FAM89A: variants seen among roughly 807,000 people sequenced by gnomAD.
FAM89A encodes the protein protein FAM89A.
Under a neutral mutation model 7.1 loss-of-function variants are expected in FAM89A, and 10 were observed. The ratio of observed to expected loss-of-function variants is 1.40; its 90% CI spans 0.86 to 2.38. The LOEUF (loss-of-function observed/expected upper bound fraction) is 2.38. Among genes scored for constraint, FAM89A ranks in the 30% most tolerant of loss-of-function variants. The pLI, the probability that FAM89A is intolerant of heterozygous loss-of-function variation, is 0.00. For synonymous variants in FAM89A, 157 were observed against 129.3 expected (o/e 1.21, Z -1.45); for missense variants, 276 against 262.8 (o/e 1.05, Z -0.35).
chr1:231,028,205 C>T (rs1387095654), intron 1 of FAM89A, among the ~76,000 whole-genome samples: 2 of 152,204 alleles, frequency 1.3e-5, no homozygotes, highest in African/African-American at 2.4e-5. Context: ...GGGCAGCCGC[C>T]GAGTGCCCTG....
At position 231,019,530 on chromosome 1, in the gene FAM89A, C is replaced by T. The variant is rs1047702035; in HGVS notation, c.*333G>A. 3.9e-6 allele frequency: 1 copy of T among 253,216 alleles called. No individual in the cohort carries two copies. Among genetic ancestry groups the T allele is most frequent in the Non-Finnish European group, 7.6e-6 (1 of 130,818 alleles). 15.7% of individuals were successfully genotyped at this position (253,216 alleles called of 1,614,324 possible). On this transcript the variant is annotated 3_prime_UTR_variant, in exon 2 of 2. Transcript: ENST00000366654. ...CTGTAAGGAAGTAGCTAGCTACAAG[C>T]CACCTCACACAAAACACCCACTAAG...
rs746369570 is a variant in FAM89A, at chr1:231,019,989, A to G, written c.429T>C (p.Asp143=). The part of the protein sequence containing the change: ...CTYALENGFF[D]EEEEYFQEQN... Reference sequence around the variant, plus strand: ...GCTCCTGGAAATATTCCTCCTCTTCATCGAAGAAGCCGTTCTCCAGAGCGT... The same window carrying G: ...GCTCCTGGAAATATTCCTCCTCTTCGTCGAAGAAGCCGTTCTCCAGAGCGT... Residue 143 remains aspartate (D), a synonymous_variant, in exon 2 of 2, where the codon GAT becomes GAC. Coordinates refer to ENST00000366654, the MANE Select transcript of FAM89A (RefSeq NM_198552.3). The G allele has an allele frequency of 1.2e-6, 2 of 1,613,974 alleles. No individual in the cohort carries two copies. The highest frequency in any genetic ancestry group is 2.2e-5 in the South Asian group (2 of 91,086).
chr1:231,024,397 T>G (rs1679927766), intron 1 of FAM89A, among the ~76,000 whole-genome samples: 1 of 152,104 alleles, frequency 6.6e-6, no homozygotes, highest in African/African-American at 2.4e-5. Flanking sequence ...GATTGGGTGT[T>G]AAATTCCAGG....
rs966048431 is a variant in FAM89A at position 231,019,995 on chromosome 1, G to A, written c.423C>T (p.Phe141=). 1.2e-6 allele frequency: 2 copies of A among 1,614,054 alleles called. No individual in the cohort carries two copies. Among genetic ancestry groups the A allele is most frequent in the Admixed American group, 3.3e-5 (2 of 60,026 alleles). The change falls in exon 2 of 2, where the codon TTC becomes TTT. Residue 141 remains phenylalanine, a synonymous_variant. Transcript: ENST00000366654. ...PDCTYALENG[F]FDEEEEYFQE... is the part of the protein sequence containing the mutation. ...GGAAATATTCCTCCTCTTCATCGAA[G>A]AAGCCGTTCTCCAGAGCGTAAGTGC...
chr1:231,032,514 A>G (rs1680092416), intron 1 of FAM89A, among the ~76,000 whole-genome samples: 1 of 151,776 alleles, frequency 6.6e-6, no homozygotes, highest in South Asian at 2.1e-4. Flanking sequence ...GTCTTAATGT[A>G]TACATCCGTG....
Position 231,019,706 on chromosome 1 carries a change from G to T in FAM89A, c.*157C>A. On this transcript the variant is annotated 3_prime_UTR_variant, in exon 2 of 2. Transcript: ENST00000366654. ...AAGCAGACTGCCACCATGCATCCGC[G>T]GAGAACTCCCTGCCTACAAATGAAA... The T allele has an allele frequency of 1.3e-6, 1 of 790,968 alleles. No homozygotes were observed. Among genetic ancestry groups the T allele is most frequent in the Non-Finnish European group, 2.0e-6 (1 of 507,546 alleles). The allele number at this position is 790,968 out of a possible 1,614,324, so 49.0% of individuals were successfully genotyped here.
At chr1:231,033,867 T>C (rs996186049) in intron 1 of FAM89A, among the ~76,000 whole-genome samples, 1 of 152,168 alleles carries the variant, frequency 6.6e-6, no homozygotes, top group Non-Finnish European at 1.5e-5. Flanking sequence ...TAGCATCAAG[T>C]GAATGAAGCC....
Position 231,019,941 on chromosome 1 carries a change from C to T in FAM89A, c.477G>A (p.Arg159=). Residue 159 remains arginine (R), a synonymous_variant, in exon 2 of 2, where the codon AGG becomes AGA. Coordinates refer to ENST00000366654, the MANE Select transcript of FAM89A (RefSeq NM_198552.3). The stretch of plus-strand genomic sequence containing the variant: ...ACAAGTCCCGAGGAGGGCCTCGGTC[C>T]CTCCTGTCGTGCAGGGAGTTCTGCT... ...FQEQNSLHDR[R]DRGPPRDLSL... 1 of 1,614,162 alleles carries T rather than the reference C, an allele frequency of 6.2e-7. No homozygotes were observed. The highest frequency in any genetic ancestry group is 1.3e-5 in the African/African-American group (1 of 75,050).
intron 1 of FAM89A, among the ~76,000 whole-genome samples, chr1:231,023,285 T>C (rs1200020044): frequency 2.6e-5 from 4 of 152,212 alleles, no homozygotes; most frequent in Non-Finnish European, 4.4e-5. Context: ...CCATAGGTTA[T>C]GACTGGTGAA....
chr1:231,035,702 G>C (rs1462218422), intron 1 of FAM89A, among the ~76,000 whole-genome samples: 3 of 152,228 alleles, frequency 2.0e-5, no homozygotes, highest in South Asian at 2.1e-4. Context: ...CCAAGATCTA[G>C]TTAGCCAAGC....
chr1:231,039,632 C>T (rs1680221593), intron 1 of FAM89A, among the ~76,000 whole-genome samples: 1 of 152,196 alleles, frequency 6.6e-6, no homozygotes, highest in Admixed American at 6.5e-5. Context: ...GAACCCCGCA[C>T]AGCGCTTCCG....
In FAM89A at chr1:231,038,878, A is replaced by T. The variant is rs115663471; in HGVS notation, c.291+1043T>A. On this transcript the variant is annotated intron_variant, in intron 1 of 1. Coordinates refer to ENST00000366654, the MANE Select transcript of FAM89A (RefSeq NM_198552.3). ...TCCTATAACAATTTATTTTTTGGCA[A>T]ATTTAGTTTTGGGAAAAGGCAGCTT... 8.7e-3 allele frequency among the ~76,000 whole-genome samples: 1,331 copies of T among 152,272 alleles called. 20 individuals are homozygous for T. Among genetic ancestry groups the T allele is most frequent in the African/African-American group, 0.029 (1,214 of 41,560 alleles).
At chr1:231,035,582 G>A (rs1039182504) in intron 1 of FAM89A, among the ~76,000 whole-genome samples, 14 of 152,200 alleles carry the variant, frequency 9.2e-5, no homozygotes, top group Non-Finnish European at 1.9e-4. Flanking sequence ...CGGGTGCTGG[G>A]AAGGGCAGTC....
At chr1:231,033,251 G>A (rs1680104011) in intron 1 of FAM89A, among the ~76,000 whole-genome samples, 1 of 152,220 alleles carries the variant, frequency 6.6e-6, no homozygotes, top group Non-Finnish European at 1.5e-5. Flanking sequence ...CTGGCAACGG[G>A]GGCAAATATC....
intron 1 of FAM89A, among the ~76,000 whole-genome samples, chr1:231,039,630 C>T (rs1441900804): frequency 6.6e-6 from 1 of 152,186 alleles, no homozygotes; most frequent in African/African-American, 2.4e-5. Flanking sequence ...ACGAACCCCG[C>T]ACAGCGCTTC....
rs141505370 is a variant in FAM89A, at chr1:231,019,690, G to A, written c.*173C>T. On this transcript the variant is annotated 3_prime_UTR_variant, in exon 2 of 2. Transcript: ENST00000366654. ...GAAACTGCTGCCATCAAAGCAGACT[G>A]CCACCATGCATCCGCGGAGAACTCC... The A allele has an allele frequency of 5.3e-4, 363 of 688,114 alleles. No individual in the cohort carries two copies. Among genetic ancestry groups the A allele is most frequent in the Middle Eastern group, 2.1e-3 (5 of 2,430 alleles). 42.6% of individuals were successfully genotyped at this position (688,114 alleles called of 1,614,324 possible).
chr1:231,039,920 C>T lies in FAM89A; in HGVS notation c.291+1G>A. ...GCCCCAGCTCGCGGAGCCCCACTCA[C>T]CATCTCTTTGCGGAGCAGCGCCAGA... is the stretch of plus-strand genomic sequence containing the variant. On this transcript the variant is annotated splice_donor_variant, in intron 1 of 1. Coordinates refer to ENST00000366654, the MANE Select transcript of FAM89A (RefSeq NM_198552.3). LOFTEE classifies it high-confidence loss of function. 3.0e-6 allele frequency: 4 copies of T among 1,329,004 alleles called. No homozygotes were observed. In the South Asian group the frequency reaches 6.0e-5, roughly 20 times the overall value. The allele number at this position is 1,329,004 out of a possible 1,614,324, so 82.3% of individuals were successfully genotyped here. A position where few individuals can be genotyped will look rare whatever the true frequency, so the allele number is the denominator to read the frequency against.
intron 1 of FAM89A, among the ~76,000 whole-genome samples, chr1:231,034,704 G>C (rs1263667897): frequency 1.3e-5 from 2 of 150,222 alleles, no homozygotes; most frequent in Non-Finnish European, 3.0e-5. Context: ...CCCGGGAGGT[G>C]GAGGTTGTAG....
rs1680234224 is a variant in FAM89A, at chr1:231,040,054, AGCCGCTCCAGGT to A, written c.146_157del (p.His49_Arg52del). ...CTGGATGCGCGACTTCTGCGCGTACAGCCGCTCCAGGTGCCGCCAGCCCCCAGACGCGCCGCC... is the reference window on the plus strand; with the variant it reads ...CTGGATGCGCGACTTCTGCGCGTACAGCCGCCAGCCCCCAGACGCGCCGCC... On this transcript the variant is annotated inframe_deletion, in exon 1 of 2. Coordinates refer to ENST00000366654, the MANE Select transcript of FAM89A (RefSeq NM_198552.3). 1 of 1,446,850 alleles carries A rather than the reference AGCCGCTCCAGGT, an allele frequency of 6.9e-7. No homozygotes were observed. Among genetic ancestry groups the A allele is most frequent in the African/African-American group, 1.5e-5 (1 of 67,638 alleles). The allele number at this position is 1,446,850 out of a possible 1,614,324, so 89.6% of individuals were successfully genotyped here.
Sources: allele counts gnomAD v4.1 joint callset (sites outside exome capture counted in the v4.1 genomes callset), GRCh38; gene constraint gnomAD v4.1.1; transcripts MANE v1.5; gene names NCBI Gene and HGNC (gene_info 2026-07-23, HGNC 2026-07-21).